CD8B: variants seen among roughly 807,000 people sequenced by gnomAD.
CD8B encodes T-cell surface glycoprotein CD8 beta chain.
Under a neutral mutation model 24.2 loss-of-function variants are expected in CD8B, and 6 were observed. The observed-to-expected ratio is 0.25, with a 90% CI of 0.14 to 0.49. The LOEUF is 0.49. CD8B is among the 20% of genes least tolerant of loss of function. The pLI, the probability that CD8B is intolerant of heterozygous loss-of-function variation, is 0.98. For missense variants in CD8B, 196 were observed against 271.3 expected (o/e 0.72, Z 1.95); for synonymous variants, 84 against 108.3 (o/e 0.78, Z 1.39).
chr2:86,827,621 CA>C (rs61256363), intron 5 of CD8B, among the ~76,000 whole-genome samples: 46,502 of 126,194 alleles, frequency 0.37, 7,260 homozygotes, highest in Admixed American at 0.42. Context: ...GACCCTATCT[CA>C]AAAAAAAAAA....
chr2:86,848,454 A>G (rs1194856395), intron 3 of CD8B, among the ~76,000 whole-genome samples: 2 of 152,166 alleles, frequency 1.3e-5, no homozygotes, highest in African/African-American at 4.8e-5. Flanking sequence ...ACTTTACACT[A>G]TCAATGTCCC....
chr2:86,832,000 T>C (rs1674920418), intron 5 of CD8B, among the ~76,000 whole-genome samples: 1 of 152,230 alleles, frequency 6.6e-6, no homozygotes. Context: ...CAAATGCCAC[T>C]GCTGTAAGGA....
downstream of CD8B, among the ~76,000 whole-genome samples, chr2:86,834,157 CTGAG>C (rs1360628809): frequency 6.6e-6 from 1 of 152,086 alleles, no homozygotes; most frequent in Non-Finnish European, 1.5e-5. Flanking sequence ...CCCAGGAGTG[CTGAG>C]TGACAGTCCC....
chr2:86,815,702 T>C (rs35555413), exon 6 of CD8B: 283,694 of 1,597,170 alleles, frequency 0.18, 27,610 homozygotes, highest in Admixed American at 0.25. Flanking sequence ...GTTCCTGATA[T>C]ACCTTCCCCT....
chr2:86,815,705 C>T, exon 6 of CD8B: 1 of 1,596,556 alleles, frequency 6.3e-7, no homozygotes, highest in Non-Finnish European at 8.6e-7. Flanking sequence ...CCTGATATAC[C>T]TTCCCCTTGA....
At chr2:86,835,187 C>T (rs1399936408), downstream of CD8B, among the ~76,000 whole-genome samples, 1 of 152,180 alleles carries the variant, frequency 6.6e-6, no homozygotes, top group Non-Finnish European at 1.5e-5. Flanking sequence ...CCTTTCTTCT[C>T]TCCTCCTTCA....
chr2:86,850,172 C>T (rs769180335), intron 3 of CD8B, among the ~76,000 whole-genome samples: 4 of 152,084 alleles, frequency 2.6e-5, no homozygotes, highest in African/African-American at 9.7e-5. Context: ...TTTGACTCTC[C>T]GGGAAAAGCT....
intron 5 of CD8B, among the ~76,000 whole-genome samples, chr2:86,825,057 G>C (rs560679067): frequency 6.6e-6 from 1 of 152,172 alleles, no homozygotes; most frequent in Non-Finnish European, 1.5e-5. Context: ...AATTTATATG[G>C]GCCCTGGAGT....
At chr2:86,834,935 CAAAAAAA>C (rs59354571), downstream of CD8B, among the ~76,000 whole-genome samples, 42,449 of 92,376 alleles carry the variant, frequency 0.46, 7,490 homozygotes, top group Non-Finnish European at 0.48. Context: ...AACTCTGTCT[CAAAAAAA>C]AAAAAAAAAA....
intron 4 of CD8B, among the ~76,000 whole-genome samples, chr2:86,846,449 A>G (rs1224026856): frequency 6.6e-6 from 1 of 152,160 alleles, no homozygotes; most frequent in Non-Finnish European, 1.5e-5. Flanking sequence ...GCACTGGATC[A>G]GGAAACAGCC....
chr2:86,849,796 T>C (rs1216623840), intron 3 of CD8B, among the ~76,000 whole-genome samples: 1 of 148,142 alleles, frequency 6.8e-6, no homozygotes, highest in Non-Finnish European at 1.5e-5. Flanking sequence ...CTCCGCCTCC[T>C]GGGTTCAAGC....
intron 1 of CD8B, among the ~76,000 whole-genome samples, chr2:86,860,936 A>G (rs1264915480): frequency 4.6e-5 from 7 of 152,212 alleles, no homozygotes; most frequent in African/African-American, 1.2e-4. Context: ...GCCAGGCCTC[A>G]CTGCATGTTC....
rs1675342970 is a variant in CD8B, at chr2:86,839,948, C to T, written c.*2359G>A. Reference sequence around the variant, plus strand: ...TCCAGCTGACCCCAATTCTTTCACCCCTCCCCTCAGCCTTGGAAGGCAGCC... The same window carrying T: ...TCCAGCTGACCCCAATTCTTTCACCTCTCCCCTCAGCCTTGGAAGGCAGCC... On this transcript the variant is annotated 3_prime_UTR_variant, in exon 6 of 6. Transcript: ENST00000390655. Among the ~76,000 whole-genome samples, 1 of 152,180 alleles carries T rather than the reference C, an allele frequency of 6.6e-6. No individual in the cohort carries two copies. The highest frequency in any genetic ancestry group is 1.5e-5 in the Non-Finnish European group (1 of 68,034).
chr2:86,861,698 C>T, intron 1 of CD8B, 125 bp downstream of exon 1: 1 of 616,846 alleles, frequency 1.6e-6, no homozygotes, highest in East Asian at 3.5e-5. Context: ...GCCTCCCGGG[C>T]GCCCCGCCAC....
In CD8B at chr2:86,841,998, C is replaced by T; in HGVS notation, c.*309G>A. ...TGGCTAAATGGCCACCACTAAAGGT[C>T]CCAGTTCAGGGAAAGCACAGGAGCC... is the stretch of plus-strand genomic sequence containing the variant. On this transcript the variant is annotated 3_prime_UTR_variant, in exon 6 of 6. Coordinates refer to ENST00000390655, the MANE Select transcript of CD8B (RefSeq NM_004931.5). 1 of 1,136,754 alleles carries T rather than the reference C, an allele frequency of 8.8e-7. No homozygotes were observed. Among genetic ancestry groups the T allele is most frequent in the Non-Finnish European group, 1.1e-6 (1 of 926,634 alleles). 70.4% of individuals were successfully genotyped at this position (1,136,754 alleles called of 1,614,324 possible). A position where few individuals can be genotyped will look rare whatever the true frequency, so the allele number is the denominator to read the frequency against.
chr2:86,850,945 GC>G (rs1446125155), intron 3 of CD8B, among the ~76,000 whole-genome samples: 2 of 152,056 alleles, frequency 1.3e-5, no homozygotes, highest in African/African-American at 4.8e-5. Context: ...ATAAAAATTA[GC>G]CAAGCGTGGT....
At chr2:86,855,345 G>A (rs749840102) in intron 2 of CD8B, among the ~76,000 whole-genome samples, 5 of 152,226 alleles carry the variant, frequency 3.3e-5, no homozygotes, top group Non-Finnish European at 7.3e-5. Flanking sequence ...CATGTGTGGG[G>A]AGCAGTGCTG....
intron 4 of CD8B, among the ~76,000 whole-genome samples, chr2:86,846,375 C>A (rs1360337328): frequency 6.6e-6 from 1 of 152,060 alleles, no homozygotes; most frequent in Non-Finnish European, 1.5e-5. Flanking sequence ...TTACAAACAG[C>A]AACTCTGGGA....
chr2:86,842,464 G>A, intron 5 of CD8B, 145 bp from the exon 6 acceptor site: 1 of 922,806 alleles, frequency 1.1e-6, no homozygotes, highest in Non-Finnish European at 1.6e-6. Context: ...TATGTTTCTA[G>A]GGCCCATCTT....
Sources: allele counts gnomAD v4.1 joint callset (sites outside exome capture counted in the v4.1 genomes callset), GRCh38; gene constraint gnomAD v4.1.1; transcripts MANE v1.5; gene names NCBI Gene and HGNC (gene_info 2026-07-23, HGNC 2026-07-21).